Variants in MANF observed in about 807,000 individuals in gnomAD.
MANF encodes mesencephalic astrocyte derived neurotrophic factor.
A neutral mutation model predicts 19.1 loss-of-function variants in MANF; 9 were observed. The ratio of observed to expected loss-of-function variants is 0.47; its 90% CI spans 0.28 to 0.82. The LOEUF (loss-of-function observed/expected upper bound fraction) is 0.82. MANF is among the 40% of genes least tolerant of loss of function. The pLI is 0.10. For synonymous variants in MANF, 89 were observed against 88.0 expected (o/e 1.01, Z -0.06); for missense variants, 225 against 226.7 (o/e 0.99, Z 0.05).
At chr3:51,387,037 T>C in intron 2 of MANF, 1 of 437,806 alleles carries the variant, frequency 2.3e-6, no homozygotes, top group Non-Finnish European at 4.6e-6. Flanking sequence ...AAAATGCCGC[T>C]GTGGGCCAGG....
rs1241820056 is a variant in MANF, at chr3:51,385,646, G to GA, written c.94+214dup. On this transcript the variant is annotated intron_variant, in intron 1 of 3. Transcript: ENST00000528157. ...GCCTAGAAAACATTGGTCCGACGAA[G>GA]AAAAGTTGAGACTAGATCCCGTTGA... The GA allele has an allele frequency of 1.6e-5, 6 of 380,134 alleles. No individual in the cohort carries two copies. The East Asian group carries it at 2.3e-4, about 14-fold the overall frequency. The allele number at this position is 380,134 out of a possible 1,614,324, so 23.5% of individuals were successfully genotyped here.
intron 3 of MANF, 48 bp downstream of exon 3, chr3:51,387,926 T>C (rs943356051): frequency 1.3e-6 from 2 of 1,596,524 alleles, no homozygotes. Context: ...ACCTTCTGGG[T>C]TTGTTTCCCA....
At chr3:51,385,967 G>A (rs1239802742) in intron 1 of MANF, 1 of 515,844 alleles carries the variant, frequency 1.9e-6, no homozygotes, top group South Asian at 2.5e-5. Flanking sequence ...GCAGGGAGAA[G>A]TCGTTTATAG....
rs910572957 is a variant in MANF at position 51,387,888 on chromosome 3, C to G, written c.364+10C>G. ...TGTGAGCTTAAGTATGGTGAGTATG[C>G]CTAGTCCTTTCTTAATGAATGCTGT... On this transcript the variant is annotated intron_variant, in intron 3 of 3. Coordinates refer to ENST00000528157, the MANE Select transcript of MANF (RefSeq NM_006010.6). The G allele has an allele frequency of 3.1e-6, 5 of 1,612,650 alleles. No homozygotes were observed. The highest frequency in any genetic ancestry group is 1.7e-5 in the Admixed American group (1 of 59,952).
chr3:51,388,222 T>A (rs1223739109), intron 3 of MANF, among the ~76,000 whole-genome samples: 2 of 152,038 alleles, frequency 1.3e-5, no homozygotes, highest in East Asian at 3.9e-4. Context: ...CATTAGGAGT[T>A]TTTCAGCAGA....
chr3:51,389,020 C>T lies in MANF; in HGVS notation c.480C>T (p.Tyr160=), dbSNP rs782266090. ...AAGGCTGTGCAGAAAAGTCTGACTACATCCGGAAGATAAATGAACTGATGC... is the reference window on the plus strand; with the variant it reads ...AAGGCTGTGCAGAAAAGTCTGACTATATCCGGAAGATAAATGAACTGATGC... ...TCKGCAEKSD[Y]IRKINELMPK... The change falls in exon 4 of 4, where the codon TAC becomes TAT. Residue 160 remains tyrosine, a synonymous_variant. Transcript: ENST00000528157. 2 of 1,612,110 alleles carry T rather than the reference C, an allele frequency of 1.2e-6. No individual in the cohort carries two copies. Among genetic ancestry groups the T allele is most frequent in the Admixed American group, 1.7e-5 (1 of 59,752 alleles).
In MANF at chr3:51,388,980, G is replaced by C. The variant is rs782593739; in HGVS notation, c.440G>C (p.Trp147Ser). 1.2e-6 allele frequency: 2 copies of C among 1,605,160 alleles called. No homozygotes were observed. Among genetic ancestry groups the C allele is most frequent in the Non-Finnish European group, 8.5e-7 (1 of 1,175,428 alleles). The change falls in exon 4 of 4, where the codon TGG becomes TCG. Residue 147 changes from tryptophan (W) to serine (S), a missense_variant. Coordinates refer to ENST00000528157, the MANE Select transcript of MANF (RefSeq NM_006010.6). ...GAGCTGAAGAAGATTCTGGATGACT[G>C]GGGGGAGACATGCAAAGGCTGTGCA... ...VKELKKILDD[W>S]GETCKGCAEK...
At chr3:51,388,022 G>A in intron 3 of MANF, 144 bp downstream of exon 3, 1 of 779,614 alleles carries the variant, frequency 1.3e-6, no homozygotes, top group Non-Finnish European at 2.0e-6. Flanking sequence ...GCTCTGGCAT[G>A]GAAGTGGGTG....
In MANF at chr3:51,388,991, T is replaced by G; in HGVS notation, c.451T>G (p.Cys151Gly). ...GATTCTGGATGACTGGGGGGAGACA[T>G]GCAAAGGCTGTGCAGAAAAGTCTGA... ...KKILDDWGET[C>G]KGCAEKSDYI... The change falls in exon 4 of 4, where the codon TGC becomes GGC. Residue 151 changes from cysteine (C) to glycine (G), a missense_variant. Cys to Gly is a radical substitution (Grantham distance 159). Transcript: ENST00000528157. 1 of 1,608,218 alleles carries G rather than the reference T, an allele frequency of 6.2e-7. No homozygotes were observed. The highest frequency in any genetic ancestry group is 8.5e-7 in the Non-Finnish European group (1 of 1,177,142).
intron 1 of MANF, chr3:51,385,784 CCTGT>C (rs1403313953): frequency 7.0e-6 from 2 of 286,138 alleles, no homozygotes; most frequent in Non-Finnish European, 1.3e-5. Context: ...GGTGCTGCGC[CCTGT>C]CTGTTGGGAT....
chr3:51,385,940 T>TA, intron 1 of MANF: 1 of 439,478 alleles, frequency 2.3e-6, no homozygotes, highest in Non-Finnish European at 4.1e-6. Flanking sequence ...ACCATGGGCT[T>TA]AAACTTGATG....
rs1017012622 is a variant in MANF at position 51,385,441 on chromosome 3, G to A, written c.94+5G>A. On this transcript the variant is annotated splice_donor_5th_base_variant and intron_variant, in intron 1 of 3. Transcript: ENST00000528157. Reference sequence around the variant, plus strand: ...TGCGGCCGGGCGACTGCGAAGGTGCGGGATAGGGGGCCGGGGGCCGCGCTC... The same window carrying A: ...TGCGGCCGGGCGACTGCGAAGGTGCAGGATAGGGGGCCGGGGGCCGCGCTC... The A allele has an allele frequency of 6.8e-5, 84 of 1,231,330 alleles. No homozygotes were observed. The African/African-American group carries it at 1.2e-3, about 18-fold the overall frequency. The allele number at this position is 1,231,330 out of a possible 1,614,324, so 76.3% of individuals were successfully genotyped here. A position where few individuals can be genotyped will look rare whatever the true frequency, so the allele number is the denominator to read the frequency against.
intron 3 of MANF, 72 bp from the exon 4 acceptor site, chr3:51,388,833 A>C: frequency 8.4e-7 from 1 of 1,193,148 alleles, no homozygotes; most frequent in East Asian, 2.6e-5. Context: ...TCAGGGAGTG[A>C]CATACTCTGG....
chr3:51,387,057 T>C, intron 2 of MANF: 1 of 413,920 alleles, frequency 2.4e-6, no homozygotes. Flanking sequence ...GTGCGGTGGC[T>C]CATGCCTGTC....
chr3:51,388,439 T>G (rs1174171569), intron 3 of MANF, among the ~76,000 whole-genome samples: 1 of 152,200 alleles, frequency 6.6e-6, no homozygotes, highest in Non-Finnish European at 1.5e-5. Flanking sequence ...TCTGAAAAAC[T>G]TGAATGGCCA....
At position 51,387,895 on chromosome 3, in the gene MANF, C is replaced by T; in HGVS notation, c.364+17C>T. 1.9e-6 allele frequency: 3 copies of T among 1,612,202 alleles called. No homozygotes were observed. The highest frequency in any genetic ancestry group is 2.5e-6 in the Non-Finnish European group (3 of 1,178,758). On this transcript the variant is annotated intron_variant, in intron 3 of 3. Coordinates refer to ENST00000528157, the MANE Select transcript of MANF (RefSeq NM_006010.6). ...TTAAGTATGGTGAGTATGCCTAGTC[C>T]TTTCTTAATGAATGCTGTGCACCTT... is the stretch of plus-strand genomic sequence containing the variant.
rs573821087 is a variant in MANF, at chr3:51,387,437, G to A, written c.223-300G>A. Among the ~76,000 whole-genome samples the A allele has an allele frequency of 2.0e-5, 3 of 152,024 alleles. No individual in the cohort carries two copies. In the East Asian group the frequency reaches 5.8e-4, roughly 29 times the overall value. On this transcript the variant is annotated intron_variant, in intron 2 of 3. Coordinates refer to ENST00000528157, the MANE Select transcript of MANF (RefSeq NM_006010.6). ...AGATTGCGCCACTGCACTCCAGCCT[G>A]GGTGACAGAGCAAAACTTTATCTCA...
intron 2 of MANF, 90 bp from the exon 3 acceptor site, chr3:51,387,635 CAAGTAAGGCCCT>C: frequency 8.6e-7 from 1 of 1,160,214 alleles, no homozygotes; most frequent in Non-Finnish European, 1.2e-6. Flanking sequence ...TCTCAAAACA[CAAGTAAGGCCCT>C]ACAGAGAGAT....
At chr3:51,386,785 G>A (rs573634653) in intron 2 of MANF, 42 of 440,366 alleles carry the variant, frequency 9.5e-5, no homozygotes, top group African/African-American at 8.0e-4. Flanking sequence ...TATGTGGACA[G>A]GAGAAGGTGA....
Sources: gnomAD v4.1 joint callset for allele counts (sites outside exome capture counted in the v4.1 genomes callset) on GRCh38, gnomAD v4.1.1 for gene constraint, MANE v1.5 for transcripts, NCBI Gene and HGNC (gene_info 2026-07-23, HGNC 2026-07-21) for gene names.